Variants in IARS1 observed in about 807,000 individuals in gnomAD.
IARS1 encodes isoleucyl-tRNA synthetase 1.
A neutral mutation model predicts 168.2 loss-of-function variants in IARS1; 124 were observed. That is an observed-to-expected ratio of 0.74 (90% CI 0.64 to 0.86). The LOEUF (loss-of-function observed/expected upper bound fraction) is 0.86. IARS1 is among the 40% of genes least tolerant of loss of function. IARS1 has a pLI of 0.00. For synonymous variants in IARS1, 532 were observed against 529.4 expected, an observed-to-expected ratio of 1.00 and a Z score of -0.07; for missense variants, 1,452 against 1,515.8, an observed-to-expected ratio of 0.96 and a Z score of 0.70.
chr9:92,266,734 C>T (rs894839703), intron 14 of IARS1, among the ~76,000 whole-genome samples: 1 of 152,182 alleles, frequency 6.6e-6, no homozygotes, highest in Admixed American at 6.5e-5. Context: ...CCCACCCCAC[C>T]GCCCGTTTCT....
intron 22 of IARS1, among the ~76,000 whole-genome samples, chr9:92,251,452 TCAGA>T (rs1366713471): frequency 1.3e-5 from 2 of 152,192 alleles, no homozygotes; most frequent in African/African-American, 2.4e-5. Flanking sequence ...ATATATTTAC[TCAGA>T]CAGGTATTAG....
chr9:92,227,928 C>A (rs138227025), intron 31 of IARS1, among the ~76,000 whole-genome samples: 4 of 151,898 alleles, frequency 2.6e-5, no homozygotes, highest in African/African-American at 9.7e-5. Flanking sequence ...ACTTCCCAGA[C>A]GGGGTGGCGG....
chr9:92,238,261 T>C (rs1311545290), intron 30 of IARS1, among the ~76,000 whole-genome samples: 3 of 152,132 alleles, frequency 2.0e-5, no homozygotes, highest in African/African-American at 7.2e-5. Flanking sequence ...GTTTGGATAT[T>C]TGTCTCCTCC....
Position 92,288,212 on chromosome 9 carries a change from T to G in IARS1, c.190A>C (p.Ile64Leu), listed in dbSNP as rs1564190434. ...GCATATCTTGTAACTATATCTTTAA[T>G]TGTACCCGCAAGTATATGTCCATAG... ...PHYGHILAGT[I>L]KDIVTRYAHQ... The change falls in exon 3 of 34, where the codon ATT (isoleucine) becomes CTT (leucine). Residue 64 changes from isoleucine (I) to leucine (L), a missense_variant. Ile to Leu is a conservative substitution (Grantham distance 5). Transcript: ENST00000443024. 2 of 1,614,068 alleles carry G rather than the reference T, an allele frequency of 1.2e-6. No homozygotes were observed. Among genetic ancestry groups the G allele is most frequent in the South Asian group, 2.2e-5 (2 of 91,078 alleles).
intron 20 of IARS1, among the ~76,000 whole-genome samples, chr9:92,255,099 C>G (rs755623419): frequency 4.6e-5 from 7 of 152,152 alleles, no homozygotes; most frequent in Non-Finnish European, 7.4e-5. Context: ...CTGCCCTCGC[C>G]AGGGCAGCAC....
chr9:92,251,227 C>G (rs1057088706), intron 22 of IARS1: 1 of 459,572 alleles, frequency 2.2e-6, no homozygotes, highest in Non-Finnish European at 4.4e-6. Context: ...GCACCAGGCA[C>G]AGCACCTTGT....
At chr9:92,273,639 A>T (rs1446572149) in intron 10 of IARS1, among the ~76,000 whole-genome samples, 1 of 152,274 alleles carries the variant, frequency 6.6e-6, no homozygotes, top group African/African-American at 2.4e-5. Flanking sequence ...CCCAGATTTT[A>T]CTACTATACA....
intron 33 of IARS1, among the ~76,000 whole-genome samples, chr9:92,213,796 T>G (rs1838163506): frequency 6.6e-6 from 1 of 152,206 alleles, no homozygotes; most frequent in Admixed American, 6.5e-5. Context: ...CTGGCCTTTG[T>G]GTATGACTGG....
intron 25 of IARS1, among the ~76,000 whole-genome samples, chr9:92,248,998 C>T (rs189811088): frequency 3.0e-4 from 46 of 152,266 alleles, no homozygotes; most frequent in Middle Eastern, 3.4e-3. Context: ...CCCCAAAACT[C>T]CACTTCTGGA....
At chr9:92,272,911 ATAGTT>A (rs1160365411) in intron 10 of IARS1, among the ~76,000 whole-genome samples, 18 of 151,964 alleles carry the variant, frequency 1.2e-4, no homozygotes, top group African/African-American at 3.9e-4. Flanking sequence ...GTTAAAAGCT[ATAGTT>A]TAAAGAATGA....
At chr9:92,213,232 C>G (rs1282196211) in intron 33 of IARS1, among the ~76,000 whole-genome samples, 1 of 151,972 alleles carries the variant, frequency 6.6e-6, no homozygotes, top group Non-Finnish European at 1.5e-5. Context: ...CACTAAAGAG[C>G]TAGGAAAGCA....
chr9:92,260,129 A>G lies in IARS1; in HGVS notation c.1871+22T>C, dbSNP rs541520582. ...ACATAAAAAAACAATAGATACACACAAGGCAAAGCACTGGTTTGTACCTGA... is the reference window on the plus strand; with the variant it reads ...ACATAAAAAAACAATAGATACACACGAGGCAAAGCACTGGTTTGTACCTGA... On this transcript the variant is annotated intron_variant, in intron 18 of 33. Coordinates refer to ENST00000443024, the MANE Select transcript of IARS1 (RefSeq NM_002161.6). 15 of 1,508,944 alleles carry G rather than the reference A, an allele frequency of 9.9e-6. No homozygotes were observed. The South Asian group carries it at 1.6e-4, about 16-fold the overall frequency. The allele number at this position is 1,508,944 out of a possible 1,614,324, so 93.5% of individuals were successfully genotyped here.
intron 30 of IARS1, among the ~76,000 whole-genome samples, chr9:92,231,718 G>A (rs748887143): frequency 2.4e-4 from 36 of 151,536 alleles, no homozygotes; most frequent in Non-Finnish European, 4.6e-4. Context: ...GTGAGCCACC[G>A]CACCCAGCCA....
intron 29 of IARS1, 112 bp downstream of exon 29, chr9:92,242,042 A>T: frequency 1.2e-6 from 1 of 805,928 alleles, no homozygotes; most frequent in Middle Eastern, 2.4e-4. Flanking sequence ...ATACTTCAAG[A>T]CAGAGTGCTG....
chr9:92,253,758 T>C, intron 20 of IARS1: 2 of 511,754 alleles, frequency 3.9e-6, no homozygotes, highest in Non-Finnish European at 7.6e-6. Context: ...GACTGCCCAC[T>C]ACACAACTGT....
At chr9:92,280,410 A>G (rs1216327638) in intron 7 of IARS1, among the ~76,000 whole-genome samples, 1 of 152,200 alleles carries the variant, frequency 6.6e-6, no homozygotes, top group African/African-American at 2.4e-5. Context: ...AAAGTTCTCA[A>G]GTTCTGGTAT....
At chr9:92,246,334 G>C (rs893136277) in intron 26 of IARS1, among the ~76,000 whole-genome samples, 2 of 152,090 alleles carry the variant, frequency 1.3e-5, no homozygotes, top group African/African-American at 4.8e-5. Context: ...TTCAACTTCA[G>C]AGGAAGCCGT....
intron 13 of IARS1, among the ~76,000 whole-genome samples, chr9:92,268,686 T>C (rs1205024683): frequency 6.6e-6 from 1 of 152,254 alleles, no homozygotes; most frequent in Admixed American, 6.5e-5. Flanking sequence ...GGCCAGGGGA[T>C]TGGTAGCTGC....
chr9:92,270,137 A>G (rs1461535371), intron 12 of IARS1, among the ~76,000 whole-genome samples, 154 bp from the exon 13 acceptor site: 1 of 152,248 alleles, frequency 6.6e-6, no homozygotes, highest in African/African-American at 2.4e-5. Context: ...CTAAGACTTC[A>G]AAATTGGTCA....
Sources: allele counts gnomAD v4.1 joint callset (sites outside exome capture counted in the v4.1 genomes callset), GRCh38; gene constraint gnomAD v4.1.1; transcripts MANE v1.5; gene names NCBI Gene and HGNC (gene_info 2026-07-23, HGNC 2026-07-21).